Variants in SYT1 observed in about 807,000 individuals in gnomAD.
The protein encoded by SYT1 is synaptotagmin-1.
SYT1 carries 8 observed loss-of-function variants against 44.8 expected under a neutral mutation model. The observed-to-expected ratio is 0.18, with a 90% CI of 0.10 to 0.32. The LOEUF is 0.32. Among genes scored for constraint, SYT1 ranks in the 10% least tolerant of loss-of-function variants. SYT1 has a pLI of 1.00. For synonymous variants in SYT1, 154 were observed against 188.8 expected (o/e 0.82, Z 1.51); for missense variants, 286 against 509.3 (o/e 0.56, Z 4.22).
intron 3 of SYT1, among the ~76,000 whole-genome samples, chr12:79,075,158 G>A (rs577861123): frequency 7.9e-5 from 12 of 152,228 alleles, no homozygotes; most frequent in African/African-American, 2.6e-4. Context: ...ACATACTGAT[G>A]CAAAAGAGAT....
intron 1 of SYT1, among the ~76,000 whole-genome samples, chr12:78,922,061 A>G (rs1877038413): frequency 6.6e-6 from 1 of 151,962 alleles, no homozygotes; most frequent in Non-Finnish European, 1.5e-5. Context: ...AAAAAGTTAC[A>G]TCTAAATATT....
At chr12:79,011,949 T>A (rs1250104397) in intron 2 of SYT1, among the ~76,000 whole-genome samples, 1 of 151,872 alleles carries the variant, frequency 6.6e-6, no homozygotes, top group Non-Finnish European at 1.5e-5. Flanking sequence ...CTGGCCAACA[T>A]GGTGAAACCC....
At chr12:79,333,852 A>G (rs1483029993) in intron 8 of SYT1, among the ~76,000 whole-genome samples, 1 of 152,154 alleles carries the variant, frequency 6.6e-6, no homozygotes, top group Non-Finnish European at 1.5e-5. Context: ...CCAAATTCCC[A>G]ATGTTGTTTA....
intron 10 of SYT1, among the ~76,000 whole-genome samples, chr12:79,446,034 T>TATATATATATGTATATATA (rs1491131045): frequency 8.7e-6 from 1 of 115,538 alleles, no homozygotes; most frequent in African/African-American, 3.4e-5. Flanking sequence ...TATATATATA[T>TATATATATATGTATATATA]TATGCCTAGG....
intron 3 of SYT1, among the ~76,000 whole-genome samples, chr12:79,147,982 T>C (rs1165534117): frequency 6.6e-6 from 1 of 152,260 alleles, no homozygotes; most frequent in East Asian, 1.9e-4. Context: ...TAGTAATTAC[T>C]TACTGAAGGT....
intron 2 of SYT1, among the ~76,000 whole-genome samples, chr12:79,026,672 TATA>T (rs1565769662): frequency 1.3e-5 from 1 of 74,294 alleles, no homozygotes; most frequent in African/African-American, 5.0e-5. Flanking sequence ...ATATTTTATA[TATA>T]TATATATATA....
In SYT1 at chr12:78,987,735, G is replaced by A. The variant is rs140398188; in HGVS notation, c.-84+9804G>A. ...ATACCAAGCTCAGATGGGCTTACTA[G>A]TGAATTTTACTCAACATTTAAAGAA... is the stretch of plus-strand genomic sequence containing the variant. On this transcript the variant is annotated intron_variant, in intron 2 of 10. Coordinates refer to ENST00000261205, the MANE Select transcript of SYT1 (RefSeq NM_005639.3). Among the ~76,000 whole-genome samples the A allele has an allele frequency of 2.8e-4, 43 of 152,116 alleles. No homozygotes were observed. In the East Asian group the frequency reaches 7.9e-3, roughly 28 times the overall value.
intron 3 of SYT1, among the ~76,000 whole-genome samples, chr12:79,161,629 T>C (rs1870954807): frequency 6.6e-6 from 1 of 152,146 alleles, no homozygotes; most frequent in Non-Finnish European, 1.5e-5. Flanking sequence ...AAAATACTTA[T>C]AACTGCATAA....
intron 1 of SYT1, among the ~76,000 whole-genome samples, chr12:78,963,150 A>G (rs978896909): frequency 6.6e-6 from 1 of 152,056 alleles, no homozygotes; most frequent in Non-Finnish European, 1.5e-5. Flanking sequence ...CTTCTCCTTG[A>G]ATACTGAATA....
chr12:78,979,956 T>C (rs1303411231), intron 2 of SYT1, among the ~76,000 whole-genome samples: 9 of 152,152 alleles, frequency 5.9e-5, no homozygotes, highest in Non-Finnish European at 1.2e-4. Context: ...ATCTTTTTGT[T>C]AAGGTTTCCA....
At chr12:79,050,357 G>T (rs1297990023) in intron 3 of SYT1, among the ~76,000 whole-genome samples, 3 of 151,936 alleles carry the variant, frequency 2.0e-5, no homozygotes, top group Non-Finnish European at 4.4e-5. Context: ...CTCAGCAGTG[G>T]CAGAGGCAGA....
chr12:78,929,406 T>C (rs1236142452), intron 1 of SYT1, among the ~76,000 whole-genome samples: 3 of 5,802 alleles, frequency 5.2e-4, no homozygotes, highest in African/African-American at 2.9e-3. Context: ...AGAGACTCCG[T>C]CCCAAAAAAA....
At chr12:79,178,438 A>C (rs1403873437) in intron 3 of SYT1, among the ~76,000 whole-genome samples, 1 of 152,090 alleles carries the variant, frequency 6.6e-6, no homozygotes, top group Non-Finnish European at 1.5e-5. Flanking sequence ...ACATGTCTCC[A>C]ACAGATTTGG....
At chr12:79,353,430 A>G in intron 8 of SYT1, 72 bp from the exon 9 acceptor site, 1 of 1,156,918 alleles carries the variant, frequency 8.6e-7, no homozygotes, top group Non-Finnish European at 1.3e-6. Context: ...TGAAGAATTT[A>G]CAATATATAT....
chr12:79,000,985 G>C (rs547898760), intron 2 of SYT1, among the ~76,000 whole-genome samples: 2 of 152,190 alleles, frequency 1.3e-5, no homozygotes, highest in South Asian at 4.1e-4. Context: ...AAATACATTG[G>C]ATAATTGAAC....
chr12:79,146,118 A>G (rs982583685), intron 3 of SYT1, among the ~76,000 whole-genome samples: 4 of 152,140 alleles, frequency 2.6e-5, no homozygotes, highest in Non-Finnish European at 2.9e-5. Flanking sequence ...CAGCACAACA[A>G]CAAAACAAAA....
intron 9 of SYT1, among the ~76,000 whole-genome samples, chr12:79,359,149 C>T (rs1214432032): frequency 2.6e-5 from 4 of 152,062 alleles, no homozygotes; most frequent in African/African-American, 7.2e-5. Context: ...CAGTTCTGCT[C>T]GTTTGATGTG....
At chr12:78,994,575 C>T (rs1346882962) in intron 2 of SYT1, among the ~76,000 whole-genome samples, 9 of 115,812 alleles carry the variant, frequency 7.8e-5, no homozygotes, top group Admixed American at 2.5e-4. Flanking sequence ...CTCACTCTGT[C>T]GTCAGGCTGG....
chr12:78,869,594 G>A (rs1183744078), intron 1 of SYT1, among the ~76,000 whole-genome samples: 2 of 151,814 alleles, frequency 1.3e-5, no homozygotes, highest in Non-Finnish European at 2.9e-5. Flanking sequence ...GTTTTAAAAT[G>A]GCATCTACAT....
Sources: allele counts gnomAD v4.1 joint callset (sites outside exome capture counted in the v4.1 genomes callset), GRCh38; gene constraint gnomAD v4.1.1; transcripts MANE v1.5; gene names NCBI Gene and HGNC (gene_info 2026-07-23, HGNC 2026-07-21).